BEGAIN: variants seen among roughly 807,000 people sequenced by gnomAD.
BEGAIN encodes the protein brain enriched guanylate kinase associated.
BEGAIN carries 19 observed loss-of-function variants against 35.8 expected under a neutral mutation model. The observed-to-expected ratio is 0.53, with a 90% CI of 0.37 to 0.78. The LOEUF (loss-of-function observed/expected upper bound fraction) is 0.78, where lower values mean the gene tolerates loss of function less well. BEGAIN is among the 30% of genes least tolerant of loss of function. The pLI, the probability that BEGAIN is intolerant of heterozygous loss-of-function variation, is 0.00. For missense variants in BEGAIN, 795 were observed against 853.6 expected (o/e 0.93, Z 0.85); for synonymous variants, 462 against 388.6 (o/e 1.19, Z -2.22).
At chr14:100,543,804 C>G in intron 5 of BEGAIN, 54 bp downstream of exon 5, 1 of 1,433,522 alleles carries the variant, frequency 7.0e-7, no homozygotes, top group Admixed American at 1.8e-5. Flanking sequence ...CCTGGGAAGC[C>G]CTCGCCTAGG....
rs554602113 is a variant in BEGAIN at position 100,563,561 on chromosome 14, C to G, written c.71+4350G>C. 2.6e-5 allele frequency among the ~76,000 whole-genome samples: 4 copies of G among 152,222 alleles called. No individual in the cohort carries two copies. The highest frequency in any genetic ancestry group is 1.3e-4 in the Admixed American group (2 of 15,274). On this transcript the variant is annotated intron_variant, in intron 2 of 6. Transcript: ENST00000554140. This position sits in a 1 kb window ranked among gnomAD's most constrained non-coding sequence, Gnocchi z 4.2. ...GGTAGAAAATGCGCACGGCCTTCGC[C>G]GGTGAGGAAACCCAGCGGGCAGCAA...
intron 2 of BEGAIN, chr14:100,548,964 A>G (rs909492029): frequency 2.0e-5 from 3 of 151,654 alleles, no homozygotes; most frequent in Non-Finnish European, 4.4e-5. Context: ...GCTACACCCA[A>G]CCAATCTTTG....
rs1200030539 is a variant in BEGAIN at position 100,558,962 on chromosome 14, C to T, written c.71+8949G>A. ...GGCGCGTCCTGGAGATTGGTGTGGCCGGAGCCTGGGGCCTGGGGGTTGTTG... is the reference window on the plus strand; with the variant it reads ...GGCGCGTCCTGGAGATTGGTGTGGCTGGAGCCTGGGGCCTGGGGGTTGTTG... On this transcript the variant is annotated intron_variant, in intron 2 of 6. Coordinates refer to ENST00000554140, the MANE Select transcript of BEGAIN (RefSeq NM_001385089.1). The surrounding 1 kb of genome is among the most constrained non-coding windows in gnomAD (Gnocchi z 4.6). Among the ~76,000 whole-genome samples, 2 of 151,760 alleles carry T rather than the reference C, an allele frequency of 1.3e-5. No individual in the cohort carries two copies. Among genetic ancestry groups the T allele is most frequent in the African/African-American group, 2.4e-5 (1 of 41,254 alleles).
At chr14:100,556,348 C>T (rs1212695922) in intron 2 of BEGAIN, among the ~76,000 whole-genome samples, 1 of 152,218 alleles carries the variant, frequency 6.6e-6, no homozygotes, top group African/African-American at 2.4e-5. Flanking sequence ...CCGCTGCCCC[C>T]CTCTTTCTGC....
In BEGAIN at chr14:100,538,122, G is replaced by C; in HGVS notation, c.1686C>G (p.Asp562Glu). The C allele has an allele frequency of 6.4e-7, 1 of 1,560,796 alleles. No homozygotes were observed. Among genetic ancestry groups the C allele is most frequent in the South Asian group, 1.2e-5 (1 of 83,320 alleles). The change falls in exon 7 of 7, where the codon GAC becomes GAG. Residue 562 changes from aspartate to glutamate, a missense_variant. Coordinates refer to ENST00000554140, the MANE Select transcript of BEGAIN (RefSeq NM_001385089.1). ...SSPEPEQGSR[D>E]SLEPSSMEAS... ...CCTCCATGGAGCTCGGCTCCAAGGA[G>C]TCCCTGGAACCCTGCTCGGGCTCAG...
chr14:100,568,953 C>T lies in BEGAIN; in HGVS notation c.43-1014G>A. ...CCCCTCGCGCCGGGCGCCGCCGCCG[C>T]GTCCGCCGGGAGCGCGCTCCGCTCG... On this transcript the variant is annotated intron_variant, in intron 1 of 6. Transcript: ENST00000554140. This position sits in a 1 kb window ranked among gnomAD's most constrained non-coding sequence, Gnocchi z 7.5. 1.0e-6 allele frequency: 1 copy of T among 983,518 alleles called. No homozygotes were observed. Among genetic ancestry groups the T allele is most frequent in the Non-Finnish European group, 1.2e-6 (1 of 829,346 alleles). The allele number at this position is 983,518 out of a possible 1,614,324, so 60.9% of individuals were successfully genotyped here. A position where few individuals can be genotyped will look rare whatever the true frequency, so the allele number is the denominator to read the frequency against.
rs536207791 is a variant in BEGAIN, at chr14:100,563,548, G to A, written c.71+4363C>T. ...GGAAAAACACCTTGGTAGAAAATGCGCACGGCCTTCGCCGGTGAGGAAACC... is the reference window on the plus strand; with the variant it reads ...GGAAAAACACCTTGGTAGAAAATGCACACGGCCTTCGCCGGTGAGGAAACC... On this transcript the variant is annotated intron_variant, in intron 2 of 6. Coordinates refer to ENST00000554140, the MANE Select transcript of BEGAIN (RefSeq NM_001385089.1). This position sits in a 1 kb window ranked among gnomAD's most constrained non-coding sequence, Gnocchi z 4.2. 1.4e-4 allele frequency among the ~76,000 whole-genome samples: 21 copies of A among 152,380 alleles called. No individual in the cohort carries two copies. Among genetic ancestry groups the A allele is most frequent in the Middle Eastern group, 3.4e-3 (1 of 294 alleles).
At chr14:100,546,738 C>A in intron 2 of BEGAIN, 76 bp from the exon 3 acceptor site, 1 of 1,392,352 alleles carries the variant, frequency 7.2e-7, no homozygotes, top group Admixed American at 3.1e-5. Flanking sequence ...CCAGCCGGGG[C>A]GTGCCGCACT....
intron 2 of BEGAIN, 138 bp from the exon 3 acceptor site, chr14:100,546,800 A>ACC: frequency 1.6e-6 from 1 of 632,858 alleles, no homozygotes; most frequent in Non-Finnish European, 2.5e-6. Flanking sequence ...ACACACACAC[A>ACC]CACACACACA....
At chr14:100,578,324 T>C (rs2035247250) in intron 1 of BEGAIN, among the ~76,000 whole-genome samples, 1 of 152,098 alleles carries the variant, frequency 6.6e-6, no homozygotes, top group African/African-American at 2.4e-5. Context: ...CGGTGCAGGG[T>C]GCAGGGGCAC....
intron 2 of BEGAIN, among the ~76,000 whole-genome samples, chr14:100,552,313 C>G (rs887413758): frequency 4.6e-5 from 7 of 152,210 alleles, no homozygotes; most frequent in Non-Finnish European, 1.0e-4. Context: ...AGGACATTTA[C>G]TGAGCATCAC....
chr14:100,580,888 T>C (rs985025189), intron 1 of BEGAIN, among the ~76,000 whole-genome samples: 3 of 152,104 alleles, frequency 2.0e-5, no homozygotes, highest in African/African-American at 7.2e-5. Flanking sequence ...CTACTGTGAC[T>C]GGAAACAGGA....
chr14:100,581,332 G>A (rs902375985), intron 1 of BEGAIN, among the ~76,000 whole-genome samples: 7 of 152,176 alleles, frequency 4.6e-5, no homozygotes, highest in Admixed American at 6.5e-5. Flanking sequence ...GCAAGTTTCC[G>A]TTGTCATAAC....
intron 2 of BEGAIN, chr14:100,550,505 G>A (rs569491618): frequency 1.3e-5 from 5 of 399,120 alleles, no homozygotes; most frequent in Non-Finnish European, 1.8e-5. Context: ...CAGGGGCTGC[G>A]CAGCCTGTGG....
intron 1 of BEGAIN, among the ~76,000 whole-genome samples, chr14:100,572,925 A>G (rs1164816440): frequency 6.6e-6 from 1 of 152,016 alleles, no homozygotes; most frequent in Non-Finnish European, 1.5e-5. Flanking sequence ...GGGATTCAGC[A>G]CTGGTCAGAC....
In BEGAIN at chr14:100,539,334, G is replaced by C. The variant is rs763691171; in HGVS notation, c.493-19C>G. On this transcript the variant is annotated intron_variant, in intron 6 of 6. Coordinates refer to ENST00000554140, the MANE Select transcript of BEGAIN (RefSeq NM_001385089.1). ...AGGGCAGCTGGAACGGGTGCGAGGAGGGGGACGGCGGGTACAGGGTCACTG... is the reference window on the plus strand; with the variant it reads ...AGGGCAGCTGGAACGGGTGCGAGGACGGGGACGGCGGGTACAGGGTCACTG... 3 of 1,531,640 alleles carry C rather than the reference G, an allele frequency of 2.0e-6. No homozygotes were observed. Among genetic ancestry groups the C allele is most frequent in the East Asian group, 2.3e-5 (1 of 44,138 alleles). The allele number at this position is 1,531,640 out of a possible 1,614,324, so 94.9% of individuals were successfully genotyped here.
At chr14:100,575,282 G>A (rs1171951425) in intron 1 of BEGAIN, among the ~76,000 whole-genome samples, 1 of 152,204 alleles carries the variant, frequency 6.6e-6, no homozygotes, top group Non-Finnish European at 1.5e-5. Flanking sequence ...GGCTTGTCCA[G>A]GCCAGGAAGG....
rs1458824492 is a variant in BEGAIN, at chr14:100,546,776, GCGCGCACACACACACA to G, written c.72-130_72-115del. 301 of 678,276 alleles carry G rather than the reference GCGCGCACACACACACA, an allele frequency of 4.4e-4. 4 individuals are homozygous for G. Among genetic ancestry groups the G allele is most frequent in the South Asian group, 4.0e-3 (178 of 44,622 alleles). 42.0% of individuals were successfully genotyped at this position (678,276 alleles called of 1,614,324 possible). A position where few individuals can be genotyped will look rare whatever the true frequency, so the allele number is the denominator to read the frequency against. On this transcript the variant is annotated intron_variant, in intron 2 of 6. Transcript: ENST00000554140. Reference sequence around the variant, plus strand: ...CACGCGAGTACCGGCGCGCGCGCGCGCGCGCACACACACACACACACACACACACACACACACTCAC... The same window carrying G: ...CACGCGAGTACCGGCGCGCGCGCGCGCACACACACACACACACACACTCAC...
In BEGAIN at chr14:100,573,388, G is replaced by T. The variant is rs1373253743; in HGVS notation, c.43-5449C>A. ...TGCCTGGTGAGTTGGGAAGCATCCC[G>T]GTCACCAGTGGGAAGGAGCAGCTGG... On this transcript the variant is annotated intron_variant, in intron 1 of 6. Transcript: ENST00000554140. This position sits in a 1 kb window ranked among gnomAD's most constrained non-coding sequence, Gnocchi z 4.2. 1.3e-5 allele frequency among the ~76,000 whole-genome samples: 2 copies of T among 152,068 alleles called. No homozygotes were observed. The highest frequency in any genetic ancestry group is 4.1e-4 in the South Asian group (2 of 4,826).
Sources: gnomAD v4.1 joint callset for allele counts (sites outside exome capture counted in the v4.1 genomes callset) on GRCh38, gnomAD v4.1.1 for gene constraint, Gnocchi (gnomAD v3.1) non-coding constraint, MANE v1.5 for transcripts, NCBI Gene and HGNC (gene_info 2026-07-23, HGNC 2026-07-21) for gene names.